Variants in TBC1D5 observed in about 807,000 individuals in gnomAD.
TBC1D5 encodes TBC1 domain family member 5, also known as TBC1 domain family, member 5.
In TBC1D5, 75 loss-of-function variants were observed where a neutral mutation model predicts 100.3. That is an observed-to-expected ratio of 0.75 (90% CI 0.62 to 0.91). TBC1D5 has a LOEUF of 0.91. Ranked by LOEUF, TBC1D5 falls within the 40% of genes least tolerant of loss-of-function variation. The pLI, the probability that TBC1D5 is intolerant of heterozygous loss-of-function variation, is 0.00. For missense variants in TBC1D5, 910 were observed against 942.4 expected, an observed-to-expected ratio of 0.97 and a Z score of 0.45; for synonymous variants, 323 against 325.6, an observed-to-expected ratio of 0.99 and a Z score of 0.09.
chr3:17,176,665 G>A (rs1271681067), intron 19 of TBC1D5, among the ~76,000 whole-genome samples: 1 of 152,082 alleles, frequency 6.6e-6, no homozygotes, highest in African/African-American at 2.4e-5. Flanking sequence ...TGAGGGGCTA[G>A]GGAAGGGAGA....
intron 1 of TBC1D5, among the ~76,000 whole-genome samples, chr3:17,651,286 G>A (rs1029424448): frequency 6.6e-6 from 1 of 152,044 alleles, no homozygotes; most frequent in African/African-American, 2.4e-5. Flanking sequence ...TCCAAGAAGA[G>A]AAAACAGAAT....
intron 14 of TBC1D5, among the ~76,000 whole-genome samples, chr3:17,302,386 T>C (rs2082942205): frequency 6.6e-6 from 1 of 152,184 alleles, no homozygotes; most frequent in South Asian, 2.1e-4. Context: ...TATGACCTCA[T>C]CTTAACTAAT....
intron 18 of TBC1D5, among the ~76,000 whole-genome samples, chr3:17,207,657 T>C (rs558446302): frequency 6.6e-6 from 1 of 152,288 alleles, no homozygotes; most frequent in East Asian, 1.9e-4. Flanking sequence ...CTGTGGATTA[T>C]AGAAAGGGTA....
chr3:17,670,905 A>C (rs188999329), intron 1 of TBC1D5, among the ~76,000 whole-genome samples: 6 of 152,350 alleles, frequency 3.9e-5, no homozygotes, highest in African/African-American at 1.4e-4. Context: ...AACAAGCTGC[A>C]CCACTAGCAT....
intron 2 of TBC1D5, among the ~76,000 whole-genome samples, chr3:17,567,927 G>A (rs1298864232): frequency 6.6e-6 from 1 of 151,474 alleles, no homozygotes; most frequent in Non-Finnish European, 1.5e-5. Flanking sequence ...TAAGCATCCA[G>A]GTATAAAATT....
chr3:17,678,235 G>A (rs1279651658), intron 1 of TBC1D5, among the ~76,000 whole-genome samples: 1 of 152,064 alleles, frequency 6.6e-6, no homozygotes, highest in African/African-American at 2.4e-5. Flanking sequence ...TTATAATGTG[G>A]CACAATAAGT....
At chr3:17,578,633 C>T (rs1326976384) in intron 2 of TBC1D5, among the ~76,000 whole-genome samples, 1 of 151,964 alleles carries the variant, frequency 6.6e-6, no homozygotes, top group East Asian at 1.9e-4. Flanking sequence ...TACTCTTGAA[C>T]TTGAGCTGAC....
chr3:17,706,141 G>A, intron 1 of TBC1D5: 1 of 1,595,758 alleles, frequency 6.3e-7, no homozygotes, highest in Non-Finnish European at 8.5e-7. Flanking sequence ...TTGAGGCAAA[G>A]GCTGCAGTTG....
At chr3:17,597,983 T>C (rs1387228508) in intron 2 of TBC1D5, among the ~76,000 whole-genome samples, 1 of 146,908 alleles carries the variant, frequency 6.8e-6, no homozygotes, top group Admixed American at 6.8e-5. Context: ...AAATAAGAAA[T>C]AAGGTAGCCA....
chr3:17,308,103 A>G (rs375021746), exon 14 of TBC1D5: 11 of 1,600,276 alleles, frequency 6.9e-6, no homozygotes, highest in African/African-American at 2.7e-5. Flanking sequence ...TGCAGGGGGA[A>G]CTCTCGTCCA....
intron 2 of TBC1D5, among the ~76,000 whole-genome samples, chr3:17,549,651 G>A (rs115856907): frequency 0.051 from 7,771 of 151,906 alleles, 628 homozygotes; most frequent in African/African-American, 0.17. Context: ...AATGAATGGC[G>A]CAGGCGCTGT....
chr3:17,310,896 G>A (rs2083952018), intron 13 of TBC1D5, among the ~76,000 whole-genome samples: 2 of 151,824 alleles, frequency 1.3e-5, no homozygotes, highest in South Asian at 4.2e-4. Flanking sequence ...GAATGCTTTG[G>A]GACCAACGAT....
intron 17 of TBC1D5, among the ~76,000 whole-genome samples, chr3:17,226,067 C>G (rs1000411747): frequency 1.3e-5 from 2 of 151,428 alleles, no homozygotes; most frequent in African/African-American, 4.9e-5. Context: ...TCTGGAGATA[C>G]ATAGGAAAAG....
intron 1 of TBC1D5, chr3:17,702,398 T>C (rs914613334): frequency 7.9e-5 from 12 of 152,194 alleles, no homozygotes; most frequent in African/African-American, 2.6e-4. Flanking sequence ...AGATACCTAA[T>C]TGAAGCATCA....
intron 1 of TBC1D5, among the ~76,000 whole-genome samples, chr3:17,625,834 C>A (rs560878525): frequency 6.6e-6 from 1 of 152,000 alleles, no homozygotes; most frequent in Non-Finnish European, 1.5e-5. Flanking sequence ...TATTCTCCTA[C>A]AGAAGATAGC....
At chr3:17,273,431 A>G (rs2079633835) in intron 15 of TBC1D5, among the ~76,000 whole-genome samples, 1 of 152,120 alleles carries the variant, frequency 6.6e-6, no homozygotes. Flanking sequence ...ATCCCTTCTT[A>G]GAGCTCTAGG....
chr3:17,247,163 A>G (rs2076805976), intron 16 of TBC1D5, among the ~76,000 whole-genome samples: 1 of 152,216 alleles, frequency 6.6e-6, no homozygotes, highest in Non-Finnish European at 1.5e-5. Context: ...ACCAAGGCTT[A>G]GGTGAGCAGC....
chr3:17,635,393 G>C (rs535482850), intron 1 of TBC1D5, among the ~76,000 whole-genome samples: 2 of 152,256 alleles, frequency 1.3e-5, no homozygotes, highest in South Asian at 4.1e-4. Flanking sequence ...ACAATTAAAA[G>C]GTCAAGGCTG....
At chr3:17,603,689 C>A (rs563798054) in intron 2 of TBC1D5, among the ~76,000 whole-genome samples, 1 of 151,920 alleles carries the variant, frequency 6.6e-6, no homozygotes, top group South Asian at 2.1e-4. Flanking sequence ...GTGGAGGGAC[C>A]AAGTCTTGCT....
Sources: gnomAD v4.1 joint callset for allele counts (sites outside exome capture counted in the v4.1 genomes callset) on GRCh38, gnomAD v4.1.1 for gene constraint, MANE v1.5 for transcripts, NCBI Gene and HGNC (gene_info 2026-07-23, HGNC 2026-07-21) for gene names.